RBBP5: variants seen among roughly 807,000 people sequenced by gnomAD.
RBBP5 encodes the protein RB binding protein 5, histone lysine methyltransferase complex subunit, also known as retinoblastoma-binding protein 5.
A neutral mutation model predicts 72.2 loss-of-function variants in RBBP5; 5 were observed. That is an observed-to-expected ratio of 0.07 (90% CI 0.04 to 0.15). The LOEUF (loss-of-function observed/expected upper bound fraction) is 0.15. Among genes scored for constraint, RBBP5 ranks in the 10% least tolerant of loss-of-function variants. RBBP5 has a pLI of 1.00. For missense variants in RBBP5, 322 were observed against 652.2 expected (o/e 0.49, Z 5.51); for synonymous variants, 209 against 237.2 (o/e 0.88, Z 1.09).
Position 205,099,023 on chromosome 1 carries a change from A to G in RBBP5, c.1062T>C (p.Ile354=), listed in dbSNP as rs189854779. The G allele has an allele frequency of 1.2e-6, 2 of 1,611,322 alleles. No individual in the cohort carries two copies. Among genetic ancestry groups the G allele is most frequent in the East Asian group, 4.5e-5 (2 of 44,624 alleles). Residue 354 remains isoleucine (I), a synonymous_variant, in exon 10 of 14, where the codon ATT becomes ATC. Coordinates refer to ENST00000264515, the MANE Select transcript of RBBP5 (RefSeq NM_005057.4). The surrounding 1 kb of genome is among the most constrained non-coding windows in gnomAD (Gnocchi z 4.7). ...EYEERESEFD[I]EDEDKSEPEQ... ...CAGGCTCACTCTTATCTTCATCTTC[A>G]ATATCAAACTCTGATTCCCTTTCTT...
chr1:205,117,567 G>A (rs1039163336), intron 1 of RBBP5, among the ~76,000 whole-genome samples: 5 of 151,808 alleles, frequency 3.3e-5, no homozygotes, highest in Middle Eastern at 3.2e-3. Context: ...GGCTGAGGCA[G>A]AGGAATCTCT....
chr1:205,107,203 G>A (rs1264951955), intron 3 of RBBP5, among the ~76,000 whole-genome samples: 1 of 152,022 alleles, frequency 6.6e-6, no homozygotes, highest in Non-Finnish European at 1.5e-5. Flanking sequence ...TACAGACTGG[G>A]ATGTTAAGGT....
chr1:205,098,844 C>CAAA (rs71147725), intron 10 of RBBP5, 145 bp downstream of exon 10: 779 of 284,036 alleles, frequency 2.7e-3, no homozygotes, highest in East Asian at 6.5e-3. Context: ...AATTCCATCT[C>CAAA]AAAAAAAAAA....
chr1:205,091,462 G>C (rs1655347248), intron 13 of RBBP5: 2 of 152,238 alleles, frequency 1.3e-5, no homozygotes, highest in South Asian at 4.1e-4. Context: ...ATGTCCACAT[G>C]AATGTGGGCC....
chr1:205,121,921 C>G lies in RBBP5; in HGVS notation c.-48G>C, dbSNP rs1656752155. 6.2e-7 allele frequency: 1 copy of G among 1,606,048 alleles called. No individual in the cohort carries two copies. The highest frequency in any genetic ancestry group is 1.7e-5 in the Admixed American group (1 of 59,978). ...GTCTCAGCTCCGGCAACAACACCTTCTCCCCGGCCGGCTTCAGCAACTTGC... is the reference window on the plus strand; with the variant it reads ...GTCTCAGCTCCGGCAACAACACCTTGTCCCCGGCCGGCTTCAGCAACTTGC... On this transcript the variant is annotated 5_prime_UTR_variant, in exon 1 of 14. Transcript: ENST00000264515.
intron 4 of RBBP5, 81 bp from the exon 5 acceptor site, chr1:205,104,100 T>A (rs552600315): frequency 7.1e-7 from 1 of 1,417,860 alleles, no homozygotes; most frequent in East Asian, 2.3e-5. Flanking sequence ...CTGATCCCTG[T>A]CCATACCCTC....
rs564941898 is a variant in RBBP5 at position 205,114,739 on chromosome 1, G to C, written c.218+50C>G. On this transcript the variant is annotated intron_variant, in intron 3 of 13. Coordinates refer to ENST00000264515, the MANE Select transcript of RBBP5 (RefSeq NM_005057.4). Reference sequence around the variant, plus strand: ...CTACAATGAGATTTGCAAATATATAGTCATCATTCATTCTCCTCATATTTA... The same window carrying C: ...CTACAATGAGATTTGCAAATATATACTCATCATTCATTCTCCTCATATTTA... 1.2e-5 allele frequency: 17 copies of C among 1,406,398 alleles called. No homozygotes were observed. In the African/African-American group the frequency reaches 2.4e-4, roughly 20 times the overall value. The allele number at this position is 1,406,398 out of a possible 1,614,324, so 87.1% of individuals were successfully genotyped here. A position where few individuals can be genotyped will look rare whatever the true frequency, so the allele number is the denominator to read the frequency against.
chr1:205,104,504 C>T (rs182840302), intron 4 of RBBP5, among the ~76,000 whole-genome samples: 25 of 150,152 alleles, frequency 1.7e-4, no homozygotes, highest in Admixed American at 1.1e-3. Flanking sequence ...GCTAGAGCGT[C>T]GCAGCGAGAC....
chr1:205,105,742 C>T (rs1437535509), intron 3 of RBBP5, among the ~76,000 whole-genome samples: 1 of 152,186 alleles, frequency 6.6e-6, no homozygotes, highest in African/African-American at 2.4e-5. Flanking sequence ...TTTTCTGCCT[C>T]ATGTTCCCCG....
chr1:205,094,920 C>T lies in RBBP5; in HGVS notation c.1541G>A (p.Gly514Glu). Residue 514 changes from glycine to glutamate, a missense_variant, in exon 13 of 14, where the codon GGA becomes GAA. Transcript: ENST00000264515. ...CGCCTGCACTTTACCCTTCGCTGAT[C>T]CTTCCAGAGGTAAACCTCTGTCCCC... ...YKGDRGLPLE[G>E]SAKGKVQAEL... 6.2e-7 allele frequency: 1 copy of T among 1,614,154 alleles called. No individual in the cohort carries two copies. Among genetic ancestry groups the T allele is most frequent in the Non-Finnish European group, 8.5e-7 (1 of 1,180,030 alleles).
chr1:205,094,593 G>A (rs1465426967), intron 13 of RBBP5, among the ~76,000 whole-genome samples: 1 of 152,162 alleles, frequency 6.6e-6, no homozygotes, highest in Admixed American at 6.5e-5. Context: ...GAAAGCTATG[G>A]ACATCTTCCC....
chr1:205,095,213 A>C (rs1321820588), intron 12 of RBBP5, 149 bp from the exon 13 acceptor site: 1 of 781,106 alleles, frequency 1.3e-6, no homozygotes, highest in Non-Finnish European at 2.0e-6. Flanking sequence ...TATAAGTATA[A>C]AACAGTGGTC....
At chr1:205,108,294 C>T (rs1558578728) in intron 3 of RBBP5, among the ~76,000 whole-genome samples, 1 of 151,726 alleles carries the variant, frequency 6.6e-6, no homozygotes, top group Non-Finnish European at 1.5e-5. Flanking sequence ...GTTTGAAACA[C>T]ACATTTTAAC....
intron 3 of RBBP5, among the ~76,000 whole-genome samples, chr1:205,113,578 T>C (rs1310930557): frequency 6.6e-6 from 1 of 152,112 alleles, no homozygotes; most frequent in Non-Finnish European, 1.5e-5. Context: ...AGTTCTAAAA[T>C]TATATTGTGA....
intron 1 of RBBP5, among the ~76,000 whole-genome samples, chr1:205,116,559 C>T (rs1485480231): frequency 2.6e-5 from 4 of 152,202 alleles, no homozygotes; most frequent in Non-Finnish European, 4.4e-5. Flanking sequence ...TGGCTCACGC[C>T]TGTAATCCCA....
At chr1:205,113,263 CAT>C (rs1041926683) in intron 3 of RBBP5, among the ~76,000 whole-genome samples, 1 of 151,484 alleles carries the variant, frequency 6.6e-6, no homozygotes, top group African/African-American at 2.4e-5. Flanking sequence ...TAAAAACACA[CAT>C]ATTTTTAATA....
In RBBP5 at chr1:205,096,919, G is replaced by A. The variant is rs1655640630; in HGVS notation, c.1167-8C>T. On this transcript the variant is annotated splice_polypyrimidine_tract_variant and splice_region_variant and intron_variant, in intron 11 of 13. Coordinates refer to ENST00000264515, the MANE Select transcript of RBBP5 (RefSeq NM_005057.4). ...TCTTCCAGCTCTTCATCACTATTTG[G>A]AGCAGGATCAGACAAGGGATTGGAA... is the stretch of plus-strand genomic sequence containing the variant. 5 of 1,577,194 alleles carry A rather than the reference G, an allele frequency of 3.2e-6. No individual in the cohort carries two copies. Among genetic ancestry groups the A allele is most frequent in the Non-Finnish European group, 3.4e-6 (4 of 1,163,344 alleles).
At chr1:205,115,733 TA>T in intron 2 of RBBP5, 124 bp downstream of exon 2, 3 of 1,244,752 alleles carry the variant, frequency 2.4e-6, no homozygotes, top group Non-Finnish European at 2.1e-6. Context: ...TATTATAGCA[TA>T]AGATATATTA....
intron 5 of RBBP5, among the ~76,000 whole-genome samples, chr1:205,102,565 A>G (rs1655877082): frequency 1.3e-5 from 2 of 152,228 alleles, no homozygotes; most frequent in Non-Finnish European, 2.9e-5. Flanking sequence ...TTACAAGAAG[A>G]AAAGATTTCT....
Sources: allele counts gnomAD v4.1 joint callset (sites outside exome capture counted in the v4.1 genomes callset), GRCh38; gene constraint gnomAD v4.1.1; non-coding constraint Gnocchi (gnomAD v3.1); transcripts MANE v1.5; gene names NCBI Gene and HGNC (gene_info 2026-07-23, HGNC 2026-07-21).